The following DPP10 variants were observed in gnomAD, a reference collection of about 807,000 sequenced individuals.
DPP10 encodes the protein inactive dipeptidyl peptidase 10.
A neutral mutation model predicts 120.9 loss-of-function variants in DPP10; 33 were observed. The ratio of observed to expected loss-of-function variants is 0.27; its 90% CI spans 0.21 to 0.37. The LOEUF (loss-of-function observed/expected upper bound fraction) is 0.37, where lower values mean the gene tolerates loss of function less well. Ranked by LOEUF, DPP10 falls within the 10% of genes least tolerant of loss-of-function variation. DPP10 has a pLI of 1.00. For synonymous variants in DPP10, 337 were observed against 326.1 expected, an observed-to-expected ratio of 1.03 and a Z score of -0.36; for missense variants, 816 against 942.8, an observed-to-expected ratio of 0.87 and a Z score of 1.76.
Position 114,893,135 on chromosome 2 carries a change from T to C in DPP10, c.61-416104T>C, listed in dbSNP as rs190287008. ...ATGTCTCAAGACTCCAAGAAACATATAGTAGGGGAAAATTACAATTTCCCA... is the reference window on the plus strand; with the variant it reads ...ATGTCTCAAGACTCCAAGAAACATACAGTAGGGGAAAATTACAATTTCCCA... On this transcript the variant is annotated intron_variant, in intron 1 of 25. Coordinates refer to ENST00000410059, the MANE Select transcript of DPP10 (RefSeq NM_020868.6). Among the ~76,000 whole-genome samples, 477 of 152,282 alleles carry C rather than the reference T, an allele frequency of 3.1e-3. 3 individuals are homozygous for C. The highest frequency in any genetic ancestry group is 2.9e-3 in the Non-Finnish European group (196 of 68,024).
At chr2:114,563,370 CAA>C (rs72023983) in intron 1 of DPP10, among the ~76,000 whole-genome samples, 14 of 105,350 alleles carry the variant, frequency 1.3e-4, no homozygotes, top group East Asian at 2.6e-4. Flanking sequence ...GACTCCATCT[CAA>C]AAAAAAAAAA....
intron 1 of DPP10, among the ~76,000 whole-genome samples, chr2:114,477,034 C>G (rs369280708): frequency 3.9e-5 from 6 of 152,154 alleles, no homozygotes; most frequent in African/African-American, 1.2e-4. Flanking sequence ...TTTCGGCTCA[C>G]TGCACCCTCT....
chr2:114,814,629 C>T (rs1414796227), intron 1 of DPP10, among the ~76,000 whole-genome samples: 2 of 148,596 alleles, frequency 1.3e-5, no homozygotes, highest in African/African-American at 2.6e-5. Flanking sequence ...TGGTGGCTCT[C>T]GAGGGTCCTC....
chr2:115,760,742 C>T (rs1399596211), intron 11 of DPP10, among the ~76,000 whole-genome samples: 1 of 152,110 alleles, frequency 6.6e-6, no homozygotes, highest in Non-Finnish European at 1.5e-5. Flanking sequence ...TAGAATTTCT[C>T]CACGTATTTG....
At chr2:114,471,856 A>G (rs954237043) in intron 1 of DPP10, among the ~76,000 whole-genome samples, 1 of 152,232 alleles carries the variant, frequency 6.6e-6, no homozygotes, top group African/African-American at 2.4e-5. Flanking sequence ...CATAATGATC[A>G]GTGAAATTTA....
intron 2 of DPP10, among the ~76,000 whole-genome samples, chr2:115,324,517 C>T (rs1375323500): frequency 6.6e-6 from 1 of 152,108 alleles, no homozygotes; most frequent in East Asian, 1.9e-4. Context: ...TCTTCTGTAG[C>T]CTTCTCATCT....
chr2:114,622,376 C>T (rs908077505), intron 1 of DPP10, among the ~76,000 whole-genome samples: 3 of 151,358 alleles, frequency 2.0e-5, no homozygotes, highest in Admixed American at 6.6e-5. Flanking sequence ...CTGAATCTGT[C>T]CATCTATCCA....
intron 7 of DPP10, among the ~76,000 whole-genome samples, chr2:115,701,837 C>T (rs1162613783): frequency 6.6e-6 from 1 of 151,824 alleles, no homozygotes; most frequent in Non-Finnish European, 1.5e-5. Flanking sequence ...ATGTAAATGG[C>T]CAATAAGTTC....
chr2:115,219,119 C>A (rs1297181370), intron 1 of DPP10, among the ~76,000 whole-genome samples: 1 of 152,046 alleles, frequency 6.6e-6, no homozygotes, highest in Non-Finnish European at 1.5e-5. Flanking sequence ...TTCAGAGTTA[C>A]ATTTGAATGA....
At chr2:115,817,706 A>G (rs1387316819) in intron 21 of DPP10, among the ~76,000 whole-genome samples, 5 of 152,110 alleles carry the variant, frequency 3.3e-5, no homozygotes, top group African/African-American at 9.7e-5. Context: ...AAAACATCTA[A>G]GAAAGTGATC....
rs1013180172 is a variant in DPP10 at position 114,640,784 on chromosome 2, G to T, written c.60+197946G>T. Among the ~76,000 whole-genome samples, 17 of 151,962 alleles carry T rather than the reference G, an allele frequency of 1.1e-4. 1 individual carries two copies. Among genetic ancestry groups the T allele is most frequent in the African/African-American group, 4.1e-4 (17 of 41,252 alleles). On this transcript the variant is annotated intron_variant, in intron 1 of 25. Coordinates refer to ENST00000410059, the MANE Select transcript of DPP10 (RefSeq NM_020868.6). ...ATGGACCAGGCATCTCTTTTCCTCA[G>T]CTAAGCTTTCCTTCTTGGTATGTTA...
chr2:114,852,372 C>T (rs1689018226), intron 1 of DPP10, among the ~76,000 whole-genome samples: 1 of 151,750 alleles, frequency 6.6e-6, no homozygotes, highest in African/African-American at 2.4e-5. Context: ...GTTCAACCAA[C>T]CACAGACAGA....
intron 21 of DPP10, among the ~76,000 whole-genome samples, chr2:115,817,011 G>A (rs982702777): frequency 1.3e-4 from 20 of 151,334 alleles, no homozygotes; most frequent in Middle Eastern, 3.4e-3. Context: ...CACTTTGGGA[G>A]GCCAAGGCGG....
At chr2:114,879,442 A>T (rs1181977428) in intron 1 of DPP10, among the ~76,000 whole-genome samples, 1 of 152,100 alleles carries the variant, frequency 6.6e-6, no homozygotes, top group Non-Finnish European at 1.5e-5. Flanking sequence ...TAAAACTTTC[A>T]CTTAGTAGTC....
At chr2:115,225,428 G>A (rs1257402380) in intron 1 of DPP10, among the ~76,000 whole-genome samples, 1 of 152,002 alleles carries the variant, frequency 6.6e-6, no homozygotes, top group Non-Finnish European at 1.5e-5. Context: ...ATGACTATGA[G>A]TGTGTTCTTT....
intron 1 of DPP10, among the ~76,000 whole-genome samples, chr2:114,907,457 G>A (rs998458767): frequency 3.3e-5 from 5 of 151,916 alleles, no homozygotes; most frequent in Admixed American, 2.0e-4. Flanking sequence ...ATCTTAAAGC[G>A]CTGCTTTTGC....
At chr2:114,732,221 C>T (rs898736423) in intron 1 of DPP10, among the ~76,000 whole-genome samples, 2 of 152,176 alleles carry the variant, frequency 1.3e-5, no homozygotes, top group Non-Finnish European at 2.9e-5. Context: ...CTGCTTAGTT[C>T]TAGACCTCCT....
chr2:114,995,218 G>A lies in DPP10; in HGVS notation c.61-314021G>A, dbSNP rs992050864. On this transcript the variant is annotated intron_variant, in intron 1 of 25. Transcript: ENST00000410059. The stretch of plus-strand genomic sequence containing the variant: ...TGTCATCTCAGCCGTGGCCATCCTG[G>A]ACCAAATGCTCACCTGCAATGTGTT... Among the ~76,000 whole-genome samples the A allele has an allele frequency of 6.6e-5, 10 of 152,276 alleles. No homozygotes were observed. The East Asian group carries it at 1.7e-3, about 26-fold the overall frequency.
In DPP10 at chr2:114,636,720, C is replaced by A. The variant is rs73946201; in HGVS notation, c.60+193882C>A. 7.7e-3 allele frequency among the ~76,000 whole-genome samples: 1,166 copies of A among 151,946 alleles called. 41 individuals carry two copies. The highest frequency in any genetic ancestry group is 0.027 in the African/African-American group (1,116 of 41,242). On this transcript the variant is annotated intron_variant, in intron 1 of 25. Coordinates refer to ENST00000410059, the MANE Select transcript of DPP10 (RefSeq NM_020868.6). ...CGGATGCAGACTACTCTCCATGCTCCCTGAGAATTTGGGGTACTATGAGCC... is the reference window on the plus strand; with the variant it reads ...CGGATGCAGACTACTCTCCATGCTCACTGAGAATTTGGGGTACTATGAGCC...
Sources: gnomAD v4.1 joint callset for allele counts (sites outside exome capture counted in the v4.1 genomes callset) on GRCh38, gnomAD v4.1.1 for gene constraint, MANE v1.5 for transcripts, NCBI Gene and HGNC (gene_info 2026-07-23, HGNC 2026-07-21) for gene names.